The following FANCB variants were observed in gnomAD, a reference collection of about 807,000 sequenced individuals.
FANCB encodes the protein FA complementation group B, also known as Fanconi anemia group B protein.
A neutral mutation model predicts 38.9 loss-of-function variants in FANCB; 5 were observed. The ratio of observed to expected loss-of-function variants is 0.13; its 90% CI spans 0.07 to 0.27. The LOEUF (loss-of-function observed/expected upper bound fraction) is 0.27, where lower values mean the gene tolerates loss of function less well. FANCB is among the 10% of genes least tolerant of loss of function. FANCB has a pLI of 1.00. For missense variants in FANCB, 573 were observed against 602.7 expected, an observed-to-expected ratio of 0.95 and a Z score of 0.52; for synonymous variants, 236 against 215.4, an observed-to-expected ratio of 1.10 and a Z score of -0.84.
chrX:14,720,749 T>C, the FANCB span, among the ~76,000 whole-genome samples: 1 of 112,100 alleles, frequency 8.9e-6, no homozygotes, highest in South Asian at 3.7e-4. Context: ...GTCTATTTAT[T>C]GTCTTTAAAA....
chrX:14,830,721 T>C, the FANCB span, among the ~76,000 whole-genome samples: 1 of 111,714 alleles, frequency 9.0e-6, no homozygotes, highest in African/African-American at 3.3e-5. Context: ...GTAAAAAAGC[T>C]GACCATGCCA....
At chrX:14,811,825 C>A in the FANCB span, among the ~76,000 whole-genome samples, 2 of 111,647 alleles carry the variant, frequency 1.8e-5, no homozygotes, top group African/African-American at 6.5e-5. Context: ...TAATAGACAT[C>A]TACGGAACTC....
At chrX:14,821,819 C>A in the FANCB span, among the ~76,000 whole-genome samples, 1 of 110,893 alleles carries the variant, frequency 9.0e-6, no homozygotes, top group South Asian at 3.8e-4. Context: ...TAGGAGAGAC[C>A]CAGAGAGACA....
the FANCB span, among the ~76,000 whole-genome samples, chrX:14,743,120 G>A: frequency 8.9e-5 from 10 of 111,849 alleles, no homozygotes; most frequent in Non-Finnish European, 1.7e-4. Flanking sequence ...AAAACCATAA[G>A]TAGCAACACC....
chrX:14,820,788 A>C, the FANCB span, among the ~76,000 whole-genome samples: 1 of 111,833 alleles, frequency 8.9e-6, no homozygotes, highest in Admixed American at 9.5e-5. Flanking sequence ...TGTTATTAAA[A>C]TGCATTTTAT....
the FANCB span, among the ~76,000 whole-genome samples, chrX:14,751,733 G>A: frequency 2.7e-5 from 3 of 111,989 alleles, no homozygotes; most frequent in Non-Finnish European, 5.6e-5. Context: ...AGGGAGAAAT[G>A]TGAAAATAAG....
the FANCB span, among the ~76,000 whole-genome samples, chrX:14,734,204 T>G: frequency 8.9e-6 from 1 of 112,272 alleles, no homozygotes; most frequent in African/African-American, 3.2e-5. Context: ...GACCTTAACC[T>G]TGCTTGATTT....
At chrX:14,701,057 C>A in the FANCB span, among the ~76,000 whole-genome samples, 4 of 110,268 alleles carry the variant, frequency 3.6e-5, no homozygotes, top group African/African-American at 9.9e-5. Flanking sequence ...GGAATCCCCA[C>A]ATGATGGCAT....
chrX:14,803,249 C>T, the FANCB span, among the ~76,000 whole-genome samples: 59 of 111,816 alleles, frequency 5.3e-4, no homozygotes, highest in African/African-American at 1.9e-3. Flanking sequence ...TCTCTAACTC[C>T]AAGAAACCAA....
At chrX:14,710,545 T>C in the FANCB span, among the ~76,000 whole-genome samples, 1 of 112,085 alleles carries the variant, frequency 8.9e-6, no homozygotes, top group Non-Finnish European at 1.9e-5. Context: ...TTCAAAATTA[T>C]AACAGCAGCA....
downstream of FANCB, among the ~76,000 whole-genome samples, chrX:14,832,129 G>A (rs2092328927): frequency 9.0e-6 from 1 of 111,552 alleles, no homozygotes; most frequent in Non-Finnish European, 1.9e-5. Context: ...CAAAAACTGG[G>A]TGGCTTAAAA....
chrX:14,775,759 T>C, the FANCB span, among the ~76,000 whole-genome samples: 1 of 112,251 alleles, frequency 8.9e-6, no homozygotes, highest in Non-Finnish European at 1.9e-5. Flanking sequence ...GGATTGGGGC[T>C]ATTTTGAGTA....
At chrX:14,717,231 G>C in the FANCB span, among the ~76,000 whole-genome samples, 1 of 109,695 alleles carries the variant, frequency 9.1e-6, no homozygotes, top group Non-Finnish European at 1.9e-5. Flanking sequence ...CCTGGGTACA[G>C]AGAGAAGCTT....
chrX:14,787,847 T>A, the FANCB span, among the ~76,000 whole-genome samples: 1 of 78,597 alleles, frequency 1.3e-5, no homozygotes, highest in Non-Finnish European at 2.3e-5. Context: ...ATAGTAATAA[T>A]AATAAATAAC....
downstream of FANCB, chrX:14,834,520 G>C: frequency 2.0e-6 from 1 of 503,446 alleles, no homozygotes; most frequent in Admixed American, 2.4e-5. Context: ...CTCCTGGTCA[G>C]TCACCCAGAA....
the FANCB span, among the ~76,000 whole-genome samples, chrX:14,778,076 TG>T: frequency 9.0e-6 from 1 of 111,643 alleles, no homozygotes; most frequent in African/African-American, 3.3e-5. Flanking sequence ...AAACCCACCA[TG>T]TATGAAAAAT....
the FANCB span, among the ~76,000 whole-genome samples, chrX:14,694,907 G>A: frequency 8.9e-6 from 1 of 112,152 alleles, no homozygotes; most frequent in African/African-American, 3.2e-5. Context: ...AACTGGGTAA[G>A]TAGTGTTACC....
At chrX:14,710,068 C>A in the FANCB span, among the ~76,000 whole-genome samples, 2 of 111,816 alleles carry the variant, frequency 1.8e-5, no homozygotes, top group Non-Finnish European at 3.8e-5. Flanking sequence ...TGCTAGAAAC[C>A]TCCTAACACT....
chrX:14,814,482 C>A, the FANCB span, among the ~76,000 whole-genome samples: 2 of 111,910 alleles, frequency 1.8e-5, no homozygotes, highest in Non-Finnish European at 3.8e-5. Flanking sequence ...AAGAAAAAAT[C>A]AAACAACCCC....
Sources: allele counts gnomAD v4.1 joint callset (sites outside exome capture counted in the v4.1 genomes callset), GRCh38; gene constraint gnomAD v4.1.1; transcripts MANE v1.5; gene names NCBI Gene and HGNC (gene_info 2026-07-23, HGNC 2026-07-21).